The following VPS13C variants were observed in gnomAD, a reference collection of about 807,000 sequenced individuals.
VPS13C encodes vacuolar protein sorting 13 homolog C.
VPS13C carries 358 observed loss-of-function variants against 456.8 expected under a neutral mutation model. The observed-to-expected ratio is 0.78, with a 90% CI of 0.72 to 0.86. VPS13C has a LOEUF of 0.86. Ranked by LOEUF, VPS13C falls within the 40% of genes least tolerant of loss-of-function variation. VPS13C has a pLI of 0.00. For synonymous variants in VPS13C, 1,578 were observed against 1,486.7 expected, an observed-to-expected ratio of 1.06 and a Z score of -1.41; for missense variants, 4,818 against 4,385.4, an observed-to-expected ratio of 1.10 and a Z score of -2.79.
chr15:61,973,576 C>T, intron 25 of VPS13C, 44 bp from the exon 26 acceptor site: 1 of 1,454,304 alleles, frequency 6.9e-7, no homozygotes, highest in Non-Finnish European at 9.6e-7. Flanking sequence ...GATGACTTAG[C>T]AGGATTAAAT....
At chr15:61,909,159 A>C in intron 64 of VPS13C, 34 bp from the exon 65 acceptor site, 1 of 1,610,178 alleles carries the variant, frequency 6.2e-7, no homozygotes, top group Non-Finnish European at 8.5e-7. Flanking sequence ...TGTTTGATGT[A>C]CTGGTTTAAT....
chr15:61,909,234 G>C (rs1157784917), intron 64 of VPS13C, 109 bp from the exon 65 acceptor site: 5 of 1,366,086 alleles, frequency 3.7e-6, no homozygotes, highest in Non-Finnish European at 5.0e-6. Flanking sequence ...TTTCGAGACA[G>C]AGTCTTGCTG....
In VPS13C at chr15:62,060,312, G is replaced by C; in HGVS notation, c.63C>G (p.Asn21Lys). 1 of 1,607,912 alleles carries C rather than the reference G, an allele frequency of 6.2e-7. No individual in the cohort carries two copies. The highest frequency in any genetic ancestry group is 8.5e-7 in the Non-Finnish European group (1 of 1,177,628). ...LNRFLGDYVE[N>K]LNKSQLKLGI... is the part of the protein sequence containing the mutation. ...CCAGCTTCAGCTGGGACTTGTTCAG[G>C]TTCTCCACATAGTCCCCCAGGAAGC... Residue 21 changes from asparagine (N) to lysine (K), a missense_variant, in exon 1 of 85, where the codon AAC becomes AAG. Asn to Lys is a moderately conservative substitution (Grantham distance 94). Around this residue, in one of 3 missense-constraint regions of VPS13C, gnomAD observed 4,552 missense variants for 4,130.6 expected, o/e 1.10. Coordinates refer to ENST00000644861, the MANE Select transcript of VPS13C (RefSeq NM_020821.3).
chr15:62,044,973 T>C (rs2048356416), intron 1 of VPS13C, among the ~76,000 whole-genome samples: 1 of 152,164 alleles, frequency 6.6e-6, no homozygotes, highest in South Asian at 2.1e-4. Flanking sequence ...CTGTAATATA[T>C]TTTCTTAATC....
chr15:61,997,418 T>G (rs1018882770), intron 16 of VPS13C, among the ~76,000 whole-genome samples: 1 of 152,118 alleles, frequency 6.6e-6, no homozygotes, highest in Admixed American at 6.6e-5. Context: ...TTTAAAGAAA[T>G]CCATGTGCTG....
chr15:61,865,774 A>G (rs1894532277), intron 81 of VPS13C: 3 of 730,852 alleles, frequency 4.1e-6, no homozygotes, highest in Non-Finnish European at 4.9e-6. Flanking sequence ...ACGTGTGTAT[A>G]TATGTATGTG....
intron 49 of VPS13C, 93 bp from the exon 50 acceptor site, chr15:61,931,352 A>C (rs2044049002): frequency 7.9e-7 from 1 of 1,264,594 alleles, no homozygotes. Context: ...CTTAAAGGCA[A>C]ACTGATCTCA....
intron 14 of VPS13C, among the ~76,000 whole-genome samples, 163 bp from the exon 15 acceptor site, chr15:62,007,642 G>A (rs989149043): frequency 2.6e-5 from 4 of 152,132 alleles, no homozygotes; most frequent in Non-Finnish European, 5.9e-5. Flanking sequence ...GACTTAAATA[G>A]ACTTAGATAT....
At chr15:62,012,244 ACAC>A in intron 11 of VPS13C, 80 bp from the exon 12 acceptor site, 1 of 708,508 alleles carries the variant, frequency 1.4e-6, no homozygotes, top group Non-Finnish European at 2.4e-6. Context: ...ACACACACAC[ACAC>A]ACACACACAC....
intron 66 of VPS13C, among the ~76,000 whole-genome samples, chr15:61,899,914 A>G (rs1389986736): frequency 6.6e-6 from 1 of 152,102 alleles, no homozygotes; most frequent in Non-Finnish European, 1.5e-5. Context: ...CTTATCCACC[A>G]TGATCAAGTG....
intron 16 of VPS13C, among the ~76,000 whole-genome samples, chr15:61,996,256 G>T (rs1313553712): frequency 6.6e-6 from 1 of 152,208 alleles, no homozygotes; most frequent in East Asian, 1.9e-4. Flanking sequence ...TAATATTCAC[G>T]TGTAAAACAA....
At chr15:61,897,227 C>T (rs866554252) in intron 66 of VPS13C, among the ~76,000 whole-genome samples, 1 of 152,218 alleles carries the variant, frequency 6.6e-6, no homozygotes, top group African/African-American at 2.4e-5. Flanking sequence ...AGTTCCTCAC[C>T]AGCAACGGAA....
intron 42 of VPS13C, among the ~76,000 whole-genome samples, 188 bp downstream of exon 42, chr15:61,949,255 C>T (rs546740144): frequency 4.6e-5 from 7 of 152,154 alleles, no homozygotes; most frequent in African/African-American, 1.7e-4. Context: ...TATTAAACAA[C>T]ATCTATTTAA....
chr15:61,923,266 A>C (rs1465572019), intron 53 of VPS13C, among the ~76,000 whole-genome samples: 1 of 151,658 alleles, frequency 6.6e-6, no homozygotes, highest in Non-Finnish European at 1.5e-5. Flanking sequence ...TGGAAGACTC[A>C]AAATCACAGC....
At chr15:62,035,924 C>G (rs761128294) in intron 3 of VPS13C, among the ~76,000 whole-genome samples, 1 of 151,892 alleles carries the variant, frequency 6.6e-6, no homozygotes, top group Non-Finnish European at 1.5e-5. Flanking sequence ...CAAGAGAAGA[C>G]CAAAAGGGCA....
intron 16 of VPS13C, among the ~76,000 whole-genome samples, chr15:61,995,474 G>T (rs1314153897): frequency 1.3e-5 from 2 of 152,144 alleles, no homozygotes; most frequent in African/African-American, 4.8e-5. Context: ...TATGGCAAAG[G>T]TAATAAAATA....
intron 66 of VPS13C, among the ~76,000 whole-genome samples, chr15:61,901,737 T>C (rs931224702): frequency 6.6e-6 from 1 of 152,002 alleles, no homozygotes; most frequent in South Asian, 2.1e-4. Context: ...AGAAATACCA[T>C]TTGACCCAGC....
At chr15:61,980,637 TAA>T (rs112342799) in intron 22 of VPS13C, among the ~76,000 whole-genome samples, 1 of 146,018 alleles carries the variant, frequency 6.8e-6, no homozygotes. Context: ...TTCCTAATCT[TAA>T]AAAAAAAAAA....
intron 16 of VPS13C, among the ~76,000 whole-genome samples, chr15:61,995,936 G>A (rs2140437578): frequency 6.6e-6 from 1 of 152,266 alleles, no homozygotes; most frequent in Admixed American, 6.5e-5. Flanking sequence ...CTGAGCAAGG[G>A]CCTCACCATG....
Sources: allele counts gnomAD v4.1 joint callset (sites outside exome capture counted in the v4.1 genomes callset), GRCh38; gene constraint gnomAD v4.1.1; regional missense constraint gnomAD v4.1.1; transcripts MANE v1.5; gene names NCBI Gene and HGNC (gene_info 2026-07-23, HGNC 2026-07-21).